RFX4: variants seen among roughly 807,000 people sequenced by gnomAD.
The protein encoded by RFX4 is regulatory factor X4.
Under a neutral mutation model 95.0 loss-of-function variants are expected in RFX4, and 10 were observed. The observed-to-expected ratio is 0.11, with a 90% CI of 0.06 to 0.18. The LOEUF (loss-of-function observed/expected upper bound fraction) is 0.18. Among genes scored for constraint, RFX4 ranks in the 10% least tolerant of loss-of-function variants. The probability of loss-of-function intolerance (pLI) is 1.00; values close to 1 mark genes in which losing one functional copy is unlikely to be tolerated. For missense variants in RFX4, 640 were observed against 922.0 expected (o/e 0.69, Z 3.96); for synonymous variants, 321 against 340.7 (o/e 0.94, Z 0.64).
At chr12:106,723,268 A>C (rs1355222567) in intron 13 of RFX4, among the ~76,000 whole-genome samples, 1 of 152,216 alleles carries the variant, frequency 6.6e-6, no homozygotes, top group Non-Finnish European at 1.5e-5. Flanking sequence ...TAGTTACCAA[A>C]GGTAGGCTAT....
chr12:106,689,401 T>A (rs751877520), intron 7 of RFX4, 37 bp downstream of exon 7: 1 of 1,523,092 alleles, frequency 6.6e-7, no homozygotes, highest in Non-Finnish European at 9.1e-7. Context: ...ATACTCGGTA[T>A]TAAAAATCTT....
At chr12:106,659,133 T>A (rs1255117858) in intron 4 of RFX4, among the ~76,000 whole-genome samples, 1 of 152,206 alleles carries the variant, frequency 6.6e-6, no homozygotes, top group African/African-American at 2.4e-5. Context: ...CAATAATTTA[T>A]ACTCTTTTTT....
chr12:106,625,524 C>T (rs2040279565), intron 2 of RFX4, among the ~76,000 whole-genome samples: 1 of 152,176 alleles, frequency 6.6e-6, no homozygotes, highest in African/African-American at 2.4e-5. Context: ...TCATGGCATA[C>T]TCACCAACAA....
intron 11 of RFX4, among the ~76,000 whole-genome samples, chr12:106,719,462 TCAGA>T (rs750492943): frequency 3.3e-5 from 5 of 152,120 alleles, no homozygotes; most frequent in Non-Finnish European, 5.9e-5. Flanking sequence ...AATGAAGATA[TCAGA>T]CAAAGAACTA....
intron 1 of RFX4, among the ~76,000 whole-genome samples, chr12:106,583,951 G>A (rs573636050): frequency 2.6e-5 from 4 of 152,348 alleles, no homozygotes; most frequent in East Asian, 1.9e-4. Context: ...TGGGAGTCCT[G>A]GGCTGTGGGG....
chr12:106,641,646 AT>A (rs1267398988), intron 3 of RFX4, among the ~76,000 whole-genome samples: 1 of 152,086 alleles, frequency 6.6e-6, no homozygotes, highest in South Asian at 2.1e-4. Context: ...CAGACAGTGA[AT>A]TTTTTTTAAT....
intron 1 of RFX4, among the ~76,000 whole-genome samples, chr12:106,592,532 G>A (rs141104782): frequency 6.2e-4 from 95 of 152,212 alleles, no homozygotes; most frequent in African/African-American, 2.0e-3. Flanking sequence ...AACCCTGATC[G>A]AGGCCCCTCC....
At chr12:106,724,018 T>C (rs865886220) in intron 13 of RFX4, among the ~76,000 whole-genome samples, 1 of 152,126 alleles carries the variant, frequency 6.6e-6, no homozygotes, top group Non-Finnish European at 1.5e-5. Flanking sequence ...CACAGAAACA[T>C]GTATTGAGGG....
At chr12:106,710,572 C>A (rs764499872) in intron 9 of RFX4, among the ~76,000 whole-genome samples, 2 of 152,136 alleles carry the variant, frequency 1.3e-5, no homozygotes, top group Non-Finnish European at 2.9e-5. Context: ...TATTACTTGA[C>A]CAGTTCAGAA....
intron 2 of RFX4, among the ~76,000 whole-genome samples, chr12:106,613,913 A>G (rs2040014760): frequency 6.6e-6 from 1 of 152,158 alleles, no homozygotes. Context: ...GTATAGGTAT[A>G]TTTAGTTTTA....
chr12:106,747,053 T>G (rs910944514), intron 15 of RFX4, among the ~76,000 whole-genome samples: 8 of 152,182 alleles, frequency 5.3e-5, no homozygotes, highest in Non-Finnish European at 1.2e-4. Flanking sequence ...CTAATGGGTG[T>G]AGGATTACAA....
Position 106,733,042 on chromosome 12 carries a change from T to G in RFX4, c.1590T>G (p.Pro530=), listed in dbSNP as rs1487593717. The G allele has an allele frequency of 6.2e-7, 1 of 1,614,062 alleles. No homozygotes were observed. Among genetic ancestry groups the G allele is most frequent in the Non-Finnish European group, 8.5e-7 (1 of 1,180,028 alleles). The change falls in exon 15 of 18, where the codon CCT becomes CCG. Residue 530 remains proline (P), a synonymous_variant. Transcript: ENST00000392842. ...TGGAAGTGCCACCTCCCTCTTCCCCTGTTAGCAATCCTTCCCCTGAGTACA... is the reference window on the plus strand; with the variant it reads ...TGGAAGTGCCACCTCCCTCTTCCCCGGTTAGCAATCCTTCCCCTGAGTACA... ...TSVEVPPPSS[P]VSNPSPEYTG... is the part of the protein sequence containing the mutation.
chr12:106,665,521 A>G (rs1404873767), intron 4 of RFX4, among the ~76,000 whole-genome samples: 1 of 151,828 alleles, frequency 6.6e-6, no homozygotes, highest in Admixed American at 6.6e-5. Context: ...TATTTACCAT[A>G]TTTGTTACTG....
intron 4 of RFX4, chr12:106,662,252 C>T: frequency 2.7e-6 from 1 of 369,398 alleles, no homozygotes. Context: ...AGGTTTTGGC[C>T]ATTCTAATAG....
intron 3 of RFX4, among the ~76,000 whole-genome samples, chr12:106,651,592 G>T (rs956195090): frequency 5.9e-5 from 9 of 152,090 alleles, no homozygotes; most frequent in African/African-American, 2.2e-4. Context: ...ATTATTTCTT[G>T]TGCATATGTC....
At position 106,696,460 on chromosome 12, in the gene RFX4, T is replaced by C; in HGVS notation, c.833+14T>C. ...ATTACCTGACAGGTGGGCATGCTTA[T>C]TCTTGTCTTCCTTCACGGCTGGTCC... On this transcript the variant is annotated intron_variant, in intron 8 of 17. Coordinates refer to ENST00000392842, the MANE Select transcript of RFX4 (RefSeq NM_213594.3). The C allele has an allele frequency of 5.6e-6, 9 of 1,613,920 alleles. No individual in the cohort carries two copies. The highest frequency in any genetic ancestry group is 7.6e-6 in the Non-Finnish European group (9 of 1,179,914).
intron 3 of RFX4, among the ~76,000 whole-genome samples, chr12:106,643,826 T>C (rs999579006): frequency 5.3e-5 from 8 of 152,328 alleles, no homozygotes; most frequent in African/African-American, 1.9e-4. Flanking sequence ...ATTAAAAACA[T>C]TATAGGTAAG....
intron 11 of RFX4, among the ~76,000 whole-genome samples, chr12:106,717,071 C>A (rs1003258365): frequency 4.0e-4 from 59 of 147,328 alleles, no homozygotes; most frequent in Non-Finnish European, 6.3e-4. Flanking sequence ...CAAGTGCTTA[C>A]AATCATCCTT....
intron 2 of RFX4, among the ~76,000 whole-genome samples, chr12:106,614,653 C>T (rs1272799646): frequency 2.0e-5 from 3 of 152,012 alleles, no homozygotes; most frequent in African/African-American, 7.2e-5. Context: ...GGACTACAGG[C>T]ACCCGCCACC....
Sources: gnomAD v4.1 joint callset for allele counts (sites outside exome capture counted in the v4.1 genomes callset) on GRCh38, gnomAD v4.1.1 for gene constraint, MANE v1.5 for transcripts, NCBI Gene and HGNC (gene_info 2026-07-23, HGNC 2026-07-21) for gene names.